Variants in OPHN1 observed in about 807,000 individuals in gnomAD.
The protein encoded by OPHN1 is oligophrenin-1.
In OPHN1, 11 loss-of-function variants were observed where a neutral mutation model predicts 60.7. The ratio of observed to expected loss-of-function variants is 0.18; its 90% CI spans 0.11 to 0.30. The LOEUF is 0.30. Among genes scored for constraint, OPHN1 ranks in the 10% least tolerant of loss-of-function variants. The probability of loss-of-function intolerance (pLI) is 1.00; values close to 1 mark genes in which losing one functional copy is unlikely to be tolerated. For synonymous variants in OPHN1, 226 were observed against 222.6 expected, an observed-to-expected ratio of 1.02 and a Z score of -0.14; for missense variants, 449 against 611.0, an observed-to-expected ratio of 0.73 and a Z score of 2.80.
At chrX:68,396,569 C>T (rs2078685678) in intron 2 of OPHN1, among the ~76,000 whole-genome samples, 1 of 110,673 alleles carries the variant, frequency 9.0e-6, no homozygotes, top group African/African-American at 3.3e-5. Context: ...AATCCCAGTA[C>T]TTTGGGAGGC....
intron 19 of OPHN1, among the ~76,000 whole-genome samples, chrX:68,075,752 G>A (rs1457028978): frequency 1.1e-5 from 1 of 92,732 alleles, no homozygotes; most frequent in Non-Finnish European, 2.1e-5. Context: ...GACAGCAATG[G>A]TACTGGAACA....
chrX:68,130,559 A>G (rs994078126), intron 15 of OPHN1, among the ~76,000 whole-genome samples: 1 of 111,619 alleles, frequency 9.0e-6, no homozygotes, highest in Admixed American at 9.5e-5. Flanking sequence ...CCATTAAAAT[A>G]TTTACAAAGT....
intron 10 of OPHN1, among the ~76,000 whole-genome samples, chrX:68,203,307 A>G (rs2077543774): frequency 9.0e-6 from 1 of 111,495 alleles, no homozygotes; most frequent in African/African-American, 3.3e-5. Flanking sequence ...TAACTTCACA[A>G]TCTATTAAAT....
intron 15 of OPHN1, among the ~76,000 whole-genome samples, chrX:68,130,510 T>C (rs981688396): frequency 3.8e-4 from 42 of 111,938 alleles, no homozygotes; most frequent in African/African-American, 1.3e-3. Context: ...AGGGAAATTA[T>C]TGGAAAAATT....
intron 2 of OPHN1, among the ~76,000 whole-genome samples, chrX:68,388,514 C>G (rs1310947543): frequency 9.1e-6 from 1 of 109,584 alleles, no homozygotes; most frequent in East Asian, 2.9e-4. Context: ...AGGGAGTCAG[C>G]TGCATTTTCA....
In OPHN1 at chrX:68,378,305, G is replaced by C. The variant is rs2078572563; in HGVS notation, c.154+54562C>G. ...TTGTTTTTTTCTTGTAAATTTGTTT[G>C]AGTTCATTGTAGATTCTGGATATCA... On this transcript the variant is annotated intron_variant, in intron 2 of 24. Transcript: ENST00000355520. Among the ~76,000 whole-genome samples the C allele has an allele frequency of 4.5e-5, 5 of 111,483 alleles. No individual in the cohort carries two copies. The South Asian group carries it at 1.9e-3, about 42-fold the overall frequency.
chrX:68,195,045 AG>A (rs1465444135), intron 12 of OPHN1, among the ~76,000 whole-genome samples: 5 of 105,738 alleles, frequency 4.7e-5, no homozygotes, highest in African/African-American at 1.4e-4. Flanking sequence ...GAAGGAAGGA[AG>A]GAAGGAAGGA....
At chrX:68,310,992 T>C (rs1017590607) in intron 2 of OPHN1, among the ~76,000 whole-genome samples, 25 of 112,339 alleles carry the variant, frequency 2.2e-4, no homozygotes, top group African/African-American at 8.1e-4. Context: ...CCATGGCTCA[T>C]GCCTGTAATT....
intron 15 of OPHN1, among the ~76,000 whole-genome samples, chrX:68,173,585 C>T (rs2077400596): frequency 9.0e-6 from 1 of 111,284 alleles, no homozygotes; most frequent in Non-Finnish European, 1.9e-5. Context: ...TTGTAAACAT[C>T]CACAACCAAA....
At chrX:68,174,468 T>TC (rs2077405243) in intron 15 of OPHN1, among the ~76,000 whole-genome samples, 1 of 43,059 alleles carries the variant, frequency 2.3e-5, no homozygotes, top group Admixed American at 3.9e-4. Context: ...ATTAACTTAT[T>TC]CTTTTTTTTT....
At chrX:68,129,172 G>A (rs888036303) in intron 15 of OPHN1, among the ~76,000 whole-genome samples, 4 of 111,755 alleles carry the variant, frequency 3.6e-5, no homozygotes, top group Non-Finnish European at 7.5e-5. Flanking sequence ...AGAAAATAAC[G>A]CTTTAAATGC....
chrX:68,052,627 T>C, intron 22 of OPHN1, 37 bp from the exon 23 acceptor site: 1 of 1,163,883 alleles, frequency 8.6e-7, no homozygotes, highest in Non-Finnish European at 1.2e-6. Flanking sequence ...ATAAGTTGCT[T>C]TGGTATACAC....
intron 6 of OPHN1, among the ~76,000 whole-genome samples, chrX:68,226,585 T>C (rs1369404503): frequency 9.0e-6 from 1 of 111,687 alleles, no homozygotes; most frequent in African/African-American, 3.3e-5. Context: ...TCAACTTTCT[T>C]AATGAAAAGA....
chrX:68,368,877 AAAGT>A (rs1290081799), intron 2 of OPHN1, among the ~76,000 whole-genome samples: 1 of 112,026 alleles, frequency 8.9e-6, no homozygotes, highest in African/African-American at 3.2e-5. Context: ...GTAGCTTGGA[AAAGT>A]AAGTAAACCA....
At chrX:68,124,279 T>C (rs895293914) in intron 15 of OPHN1, among the ~76,000 whole-genome samples, 5 of 111,155 alleles carry the variant, frequency 4.5e-5, no homozygotes, top group African/African-American at 1.6e-4. Context: ...GTTTTTTTTT[T>C]CCCTTCACTA....
In OPHN1 at chrX:68,070,793, C is replaced by T. The variant is rs1259431702; in HGVS notation, c.1834+2359G>A. ...CACACAATCTGCTTAGCCCAAGTGA[C>T]AGTCTCAGCATACTTCTTGCTGCTT... On this transcript the variant is annotated intron_variant, in intron 20 of 24. Coordinates refer to ENST00000355520, the MANE Select transcript of OPHN1 (RefSeq NM_002547.3). The T allele has an allele frequency of 7.8e-6, 9 of 1,156,720 alleles. No homozygotes were observed. The East Asian group carries it at 2.4e-4, about 31-fold the overall frequency.
intron 2 of OPHN1, among the ~76,000 whole-genome samples, chrX:68,303,718 C>T (rs1267723781): frequency 9.1e-6 from 1 of 110,109 alleles, no homozygotes; most frequent in Non-Finnish European, 1.9e-5. Flanking sequence ...AATTAAAAAG[C>T]ATGAATCCTG....
chrX:68,100,807 C>T (rs185635580), intron 18 of OPHN1, among the ~76,000 whole-genome samples: 76 of 109,391 alleles, frequency 6.9e-4, no homozygotes, highest in African/African-American at 2.4e-3. Context: ...AGTGCAGTGG[C>T]GCGATCTCGG....
At chrX:68,086,450 C>T (rs1014201266) in intron 19 of OPHN1, among the ~76,000 whole-genome samples, 3 of 111,929 alleles carry the variant, frequency 2.7e-5, no homozygotes, top group Admixed American at 9.5e-5. Flanking sequence ...TAATGGTCAA[C>T]TCTTCTACAA....
Sources: gnomAD v4.1 joint callset for allele counts (sites outside exome capture counted in the v4.1 genomes callset) on GRCh38, gnomAD v4.1.1 for gene constraint, MANE v1.5 for transcripts, NCBI Gene and HGNC (gene_info 2026-07-23, HGNC 2026-07-21) for gene names.